ADCY3: variants seen among roughly 807,000 people sequenced by gnomAD.
ADCY3 encodes the protein adenylate cyclase 3.
In ADCY3, 70 loss-of-function variants were observed where a neutral mutation model predicts 119.4. That is an observed-to-expected ratio of 0.59 (90% confidence interval 0.48 to 0.72). The LOEUF (loss-of-function observed/expected upper bound fraction) is 0.72, where lower values mean the gene tolerates loss of function less well. ADCY3 is among the 30% of genes least tolerant of loss of function. The pLI is 0.00. For missense variants in ADCY3, 1,238 were observed against 1,541.6 expected (o/e 0.80, Z 3.30); for synonymous variants, 672 against 621.4 (o/e 1.08, Z -1.21).
rs58904311 is a variant in ADCY3, at chr2:24,853,005, G to GGTGTGTGT, written c.826-10629_826-10622dup. On this transcript the variant is annotated intron_variant, in intron 3 of 21. Transcript: ENST00000679454. ...ATTTGAAGGAAAGGAACAGCTGGAG[G>GGTGTGTGT]GTGTGTGTGTGTGTGTGTGTGTGTG... Among the ~76,000 whole-genome samples the GGTGTGTGT allele has an allele frequency of 7.8e-4, 74 of 95,364 alleles. 1 individual carries two copies. The highest frequency in any genetic ancestry group is 1.2e-3 in the East Asian group (4 of 3,314). 62.6% of individuals were successfully genotyped at this position (95,364 alleles called of 152,430 possible). A position where few individuals can be genotyped will look rare whatever the true frequency, so the allele number is the denominator to read the frequency against.
chr2:24,821,050 C>A (rs544274474), intron 20 of ADCY3: 44 of 658,196 alleles, frequency 6.7e-5, no homozygotes, highest in Non-Finnish European at 9.4e-5. Context: ...AGCCGCCACC[C>A]CCCCCCCATA....
At position 24,878,135 on chromosome 2, in the gene ADCY3, A is replaced by C. The variant is rs897464768; in HGVS notation, c.676-5416T>G. On this transcript the variant is annotated intron_variant, in intron 2 of 21. Transcript: ENST00000679454. The surrounding 1 kb of genome is among the most constrained non-coding windows in gnomAD (Gnocchi z 4.0). ...TTCAAAAGAATTGTTCTGCTTTTTT[A>C]AAATATACAACATTTTTAGAATAAT... is the stretch of plus-strand genomic sequence containing the variant. The C allele has an allele frequency of 3.6e-6, 1 of 274,016 alleles. No homozygotes were observed. Among genetic ancestry groups the C allele is most frequent in the African/African-American group, 2.2e-5 (1 of 45,238 alleles). 17.0% of individuals were successfully genotyped at this position (274,016 alleles called of 1,614,324 possible). A position where few individuals can be genotyped will look rare whatever the true frequency, so the allele number is the denominator to read the frequency against.
rs566402243 is a variant in ADCY3, at chr2:24,878,554, C to T, written c.676-5835G>A. On this transcript the variant is annotated intron_variant, in intron 2 of 21. Coordinates refer to ENST00000679454, the MANE Select transcript of ADCY3 (RefSeq NM_004036.5). The surrounding 1 kb of genome is among the most constrained non-coding windows in gnomAD (Gnocchi z 4.0). The stretch of plus-strand genomic sequence containing the variant: ...GCCCACAGAGACCTATGACGTTCTG[C>T]GGCTGGAGGCCAGCCGCACGGGAAA... Among the ~76,000 whole-genome samples the T allele has an allele frequency of 4.7e-4, 72 of 152,260 alleles. No individual in the cohort carries two copies. Among genetic ancestry groups the T allele is most frequent in the African/African-American group, 1.6e-3 (66 of 41,552 alleles).
chr2:24,857,990 A>AGTTT, intron 3 of ADCY3, among the ~76,000 whole-genome samples: 1 of 112,912 alleles, frequency 8.9e-6, no homozygotes, highest in African/African-American at 4.9e-5. Context: ...TTGTGGTCTG[A>AGTTT]ATTTTTTTTT....
chr2:24,854,707 C>T (rs1014657633), intron 3 of ADCY3, among the ~76,000 whole-genome samples: 2 of 152,076 alleles, frequency 1.3e-5, no homozygotes, highest in African/African-American at 2.4e-5. Flanking sequence ...ACCAATGTTG[C>T]GGGGGTTAGA....
rs760558535 is a variant in ADCY3, at chr2:24,918,887, C to G, written c.101G>C (p.Arg34Pro). Residue 34 changes from arginine to proline, a missense_variant, in exon 2 of 22, where the codon CGG (arginine) becomes CCG (proline). Physicochemically the swap from Arg to Pro is moderately radical, Grantham distance 103. This residue lies in a region of ADCY3 where 227 missense variants were observed against 249.3 expected (regional missense o/e 0.91). Transcript: ENST00000679454. The surrounding 1 kb of genome is among the most constrained non-coding windows in gnomAD (Gnocchi z 5.4). Reference protein sequence around the residue: ...LPSDPDRGVGRTHEISVRNSG... With the variant: ...LPSDPDRGVGPTHEISVRNSG... The stretch of plus-strand genomic sequence containing the variant: ...GTTCCGGACCGAGATTTCATGGGTC[C>G]GGCCCACCCCGCGGTCAGGGTCGGA... 1.2e-6 allele frequency: 2 copies of G among 1,612,966 alleles called. No individual in the cohort carries two copies. The highest frequency in any genetic ancestry group is 8.5e-7 in the Non-Finnish European group (1 of 1,180,018).
In ADCY3 at chr2:24,822,546, C is replaced by T. The variant is rs769788756; in HGVS notation, c.2968G>A (p.Asp990Asn). 37 of 1,613,840 alleles carry T rather than the reference C, an allele frequency of 2.3e-5. No individual in the cohort carries two copies. The highest frequency in any genetic ancestry group is 4.4e-5 in the South Asian group (4 of 91,078). ...TYMAASGVTP[D>N]VNTNGFASSN... Reference sequence around the variant, plus strand: ...CTGGCAAAGCCATTGGTGTTGACATCGGGGGTGACTCCTGAAGCCGCCATA... The same window carrying T: ...CTGGCAAAGCCATTGGTGTTGACATTGGGGGTGACTCCTGAAGCCGCCATA... The change falls in exon 19 of 22, where the codon GAT (aspartate) becomes AAT (asparagine). Residue 990 changes from aspartate to asparagine, a missense_variant. Around this residue, in one of 7 missense-constraint regions of ADCY3, gnomAD observed 63 missense variants for 62.8 expected, o/e 1.00. Coordinates refer to ENST00000679454, the MANE Select transcript of ADCY3 (RefSeq NM_004036.5).
intron 3 of ADCY3, among the ~76,000 whole-genome samples, chr2:24,851,911 C>G (rs1028105456): frequency 6.6e-6 from 1 of 152,186 alleles, no homozygotes; most frequent in African/African-American, 2.4e-5. Flanking sequence ...GCCGTGTAAA[C>G]CCCGGATTTA....
chr2:24,880,182 C>T (rs1252418521), intron 2 of ADCY3, among the ~76,000 whole-genome samples: 1 of 152,236 alleles, frequency 6.6e-6, no homozygotes, highest in African/African-American at 2.4e-5. Context: ...AGTCTACCCT[C>T]TTCCAAAACA....
At chr2:24,895,633 T>G (rs1678178240) in intron 2 of ADCY3, among the ~76,000 whole-genome samples, 1 of 151,948 alleles carries the variant, frequency 6.6e-6, no homozygotes, top group South Asian at 2.1e-4. Flanking sequence ...TTCTTCTTTT[T>G]TTTTTTCTTT....
At chr2:24,856,208 C>T (rs935876017) in intron 3 of ADCY3, among the ~76,000 whole-genome samples, 3 of 152,064 alleles carry the variant, frequency 2.0e-5, no homozygotes, top group Admixed American at 6.5e-5. Context: ...CATGCGTTAG[C>T]GCTTGCACAT....
At chr2:24,862,370 C>A (rs1673770159) in intron 3 of ADCY3, among the ~76,000 whole-genome samples, 2 of 152,126 alleles carry the variant, frequency 1.3e-5, no homozygotes. Context: ...CACGGTGAAA[C>A]CCCGTCTCTA....
In ADCY3 at chr2:24,911,088, C is replaced by T. The variant is rs553553207; in HGVS notation, c.675+7225G>A. ...CTCAACACCCCAGACATCTCTGTTC[C>T]TTGAAGATGCCCCCAAAAACACCTC... On this transcript the variant is annotated intron_variant, in intron 2 of 21. Coordinates refer to ENST00000679454, the MANE Select transcript of ADCY3 (RefSeq NM_004036.5). 3.3e-5 allele frequency among the ~76,000 whole-genome samples: 5 copies of T among 152,192 alleles called. No individual in the cohort carries two copies. In the East Asian group the frequency reaches 9.6e-4, roughly 29 times the overall value.
Position 24,842,264 on chromosome 2 carries a change from C to G in ADCY3, c.946G>C (p.Glu316Gln), listed in dbSNP as rs201135554. 6.2e-7 allele frequency: 1 copy of G among 1,614,132 alleles called. No individual in the cohort carries two copies. Among genetic ancestry groups the G allele is most frequent in the Non-Finnish European group, 8.5e-7 (1 of 1,180,014 alleles). ...QFNTMYMYRH[E>Q]NVSILFADIV... ...CCCGGGCCGGCGTACCTGACGTTCT[C>G]GTGACGGTACATGTACATGGTGTTG... The change falls in exon 4 of 22, where the codon GAG (glutamate) becomes CAG (glutamine). Residue 316 changes from glutamate (E) to glutamine (Q), a missense_variant. Physicochemically the swap from Glu to Gln is conservative, Grantham distance 29. Transcript: ENST00000679454. This position sits in a 1 kb window ranked among gnomAD's most constrained non-coding sequence, Gnocchi z 4.9.
intron 3 of ADCY3, among the ~76,000 whole-genome samples, chr2:24,864,267 C>T (rs1279821625): frequency 2.6e-5 from 4 of 152,012 alleles, no homozygotes; most frequent in Non-Finnish European, 4.4e-5. Flanking sequence ...CCAACCTGGG[C>T]GACAGAGCAA....
rs530255525 is a variant in ADCY3 at position 24,838,011 on chromosome 2, C to T, written c.1533+434G>A. Among the ~76,000 whole-genome samples, 39 of 151,982 alleles carry T rather than the reference C, an allele frequency of 2.6e-4. 1 individual carries two copies. In the East Asian group the frequency reaches 6.8e-3, roughly 26 times the overall value. On this transcript the variant is annotated intron_variant, in intron 8 of 21. Transcript: ENST00000679454. Reference sequence around the variant, plus strand: ...TCTCATTCCTCCCTCATTTCCCACTCAGGAAACCTTCCTGGCCTTGGTCCT... The same window carrying T: ...TCTCATTCCTCCCTCATTTCCCACTTAGGAAACCTTCCTGGCCTTGGTCCT...
chr2:24,886,388 C>G (rs1457523821), intron 2 of ADCY3, among the ~76,000 whole-genome samples: 4 of 152,238 alleles, frequency 2.6e-5, no homozygotes, highest in African/African-American at 9.6e-5. Context: ...CTAGCTGAAC[C>G]CCGCCTCCTC....
chr2:24,846,578 A>ATT (rs111318790), intron 3 of ADCY3, among the ~76,000 whole-genome samples: 2,998 of 139,260 alleles, frequency 0.022, 114 homozygotes, highest in African/African-American at 0.073. Context: ...TTTGCTTTTG[A>ATT]TTTTTTTTTT....
chr2:24,911,930 T>A (rs1384451291), intron 2 of ADCY3, among the ~76,000 whole-genome samples: 5 of 152,198 alleles, frequency 3.3e-5, no homozygotes, highest in Non-Finnish European at 7.3e-5. Context: ...TGCCTCTTAC[T>A]AGGCATGTGG....
Sources: gnomAD v4.1 joint callset for allele counts (sites outside exome capture counted in the v4.1 genomes callset) on GRCh38, gnomAD v4.1.1 for gene constraint, gnomAD v4.1.1 regional missense constraint, Gnocchi (gnomAD v3.1) non-coding constraint, MANE v1.5 for transcripts, NCBI Gene and HGNC (gene_info 2026-07-23, HGNC 2026-07-21) for gene names.